Variants in DOCK1 observed in about 807,000 individuals in gnomAD.
The protein encoded by DOCK1 is dedicator of cytokinesis protein 1.
A neutral mutation model predicts 262.7 loss-of-function variants in DOCK1; 138 were observed. The observed-to-expected ratio is 0.53, with a 90% CI of 0.46 to 0.61. DOCK1 has a LOEUF of 0.61. Among genes scored for constraint, DOCK1 ranks in the 20% least tolerant of loss-of-function variants. The pLI is 0.00. For missense variants in DOCK1, 1,908 were observed against 2,370.7 expected, an observed-to-expected ratio of 0.80 and a Z score of 4.05; for synonymous variants, 866 against 867.4, an observed-to-expected ratio of 1.00 and a Z score of 0.03.
chr10:127,241,750 G>A (rs951287674), intron 27 of DOCK1, among the ~76,000 whole-genome samples: 1 of 152,048 alleles, frequency 6.6e-6, no homozygotes, highest in Admixed American at 6.6e-5. Flanking sequence ...TATACTGTTT[G>A]GTTTGACATC....
intron 28 of DOCK1, among the ~76,000 whole-genome samples, chr10:127,249,026 T>C (rs1293476596): frequency 6.6e-6 from 1 of 152,086 alleles, no homozygotes; most frequent in Non-Finnish European, 1.5e-5. Flanking sequence ...CACCCCCTGG[T>C]CCATGGAAAA....
intron 5 of DOCK1, 29 bp from the exon 6 acceptor site, chr10:126,990,426 T>C (rs749700775): frequency 6.3e-7 from 1 of 1,575,380 alleles, no homozygotes; most frequent in Non-Finnish European, 8.6e-7. Flanking sequence ...TATAACAAAA[T>C]CTTTCTGATT....
intron 33 of DOCK1, among the ~76,000 whole-genome samples, chr10:127,364,597 C>A (rs1003207281): frequency 6.6e-6 from 1 of 152,194 alleles, no homozygotes; most frequent in Non-Finnish European, 1.5e-5. Context: ...ATCTCTTGAC[C>A]TCATGATCCA....
intron 29 of DOCK1, among the ~76,000 whole-genome samples, chr10:127,327,963 C>A (rs2062812830): frequency 6.6e-6 from 1 of 152,008 alleles, no homozygotes; most frequent in African/African-American, 2.4e-5. Flanking sequence ...TAGCTCTTCT[C>A]CAAGGGCACA....
intron 37 of DOCK1, 41 bp downstream of exon 37, chr10:127,381,409 T>G: frequency 6.5e-7 from 1 of 1,536,026 alleles, no homozygotes; most frequent in Non-Finnish European, 8.9e-7. Flanking sequence ...TCTATTGTTA[T>G]AAATTCTAAC....
intron 38 of DOCK1, among the ~76,000 whole-genome samples, chr10:127,399,318 T>C (rs1386129843): frequency 6.6e-6 from 1 of 152,198 alleles, no homozygotes; most frequent in Non-Finnish European, 1.5e-5. Flanking sequence ...TTCACTGAGA[T>C]AATCTAAATC....
intron 27 of DOCK1, among the ~76,000 whole-genome samples, chr10:127,135,254 A>T (rs889231237): frequency 2.0e-5 from 3 of 152,166 alleles, no homozygotes; most frequent in Non-Finnish European, 4.4e-5. Flanking sequence ...TCCCTCCCCA[A>T]GCCAGGCCAG....
intron 6 of DOCK1, among the ~76,000 whole-genome samples, chr10:126,996,287 G>T (rs1198914208): frequency 1.3e-5 from 2 of 150,422 alleles, no homozygotes; most frequent in Non-Finnish European, 2.9e-5. Flanking sequence ...GGCTGAGGCA[G>T]GAGAATTGCT....
intron 28 of DOCK1, among the ~76,000 whole-genome samples, chr10:127,251,173 G>C (rs1342106601): frequency 6.6e-6 from 1 of 151,594 alleles, no homozygotes; most frequent in Non-Finnish European, 1.5e-5. Flanking sequence ...CTCTATGTTG[G>C]TCAGGCTGGT....
intron 27 of DOCK1, among the ~76,000 whole-genome samples, chr10:127,203,704 A>T (rs2057579596): frequency 6.6e-6 from 1 of 150,408 alleles, no homozygotes; most frequent in African/African-American, 2.5e-5. Flanking sequence ...CTTCGCTTTA[A>T]TTGCACTGCA....
At chr10:127,006,583 CAG>C (rs1475105785) in intron 10 of DOCK1, among the ~76,000 whole-genome samples, 1 of 152,198 alleles carries the variant, frequency 6.6e-6, no homozygotes, top group Non-Finnish European at 1.5e-5. Flanking sequence ...GAAGAGCAGT[CAG>C]GGGAGTCCCT....
intron 27 of DOCK1, among the ~76,000 whole-genome samples, chr10:127,236,325 C>G (rs1564924286): frequency 7.6e-6 from 1 of 132,442 alleles, no homozygotes; most frequent in Non-Finnish European, 1.6e-5. Flanking sequence ...TTCTCCCTCC[C>G]TCCCCCTCTC....
chr10:127,317,457 G>A lies in DOCK1; in HGVS notation c.3045-21549G>A, dbSNP rs901381316. On this transcript the variant is annotated intron_variant, in intron 29 of 51. Coordinates refer to ENST00000623213, the MANE Select transcript of DOCK1 (RefSeq NM_001290223.2). ...GTGATTTGCAGGTGTGCAACCTGGA[G>A]TCCAGCTGTCTTGCTCTTCATGCTG... 6.6e-5 allele frequency among the ~76,000 whole-genome samples: 10 copies of A among 152,310 alleles called. 2 individuals are homozygous for A. The highest frequency in any genetic ancestry group is 6.5e-4 in the Admixed American group (10 of 15,310).
chr10:127,054,785 A>G (rs535206304), intron 22 of DOCK1, among the ~76,000 whole-genome samples: 12 of 152,338 alleles, frequency 7.9e-5, no homozygotes, highest in African/African-American at 1.2e-4. Context: ...TTTGTGATCA[A>G]TATGACATTG....
At chr10:127,190,413 T>C (rs1295330577) in intron 27 of DOCK1, among the ~76,000 whole-genome samples, 2 of 152,182 alleles carry the variant, frequency 1.3e-5, no homozygotes, top group Admixed American at 1.3e-4. Flanking sequence ...CAGGATTCCC[T>C]GAGTTGGTAG....
rs180725274 is a variant in DOCK1, at chr10:127,424,483, T to A, written c.4777-1391T>A. On this transcript the variant is annotated intron_variant, in intron 46 of 51. Transcript: ENST00000623213. ...CTAAATCAGAAATGCTTTTAGTATC[T>A]AGGGTGGCTGTGCTTTCACCTTGCA... Among the ~76,000 whole-genome samples the A allele has an allele frequency of 2.0e-5, 3 of 152,306 alleles. No individual in the cohort carries two copies. The East Asian group carries it at 5.8e-4, about 29-fold the overall frequency.
At chr10:126,952,388 G>C (rs1226422303) in intron 1 of DOCK1, among the ~76,000 whole-genome samples, 5 of 151,630 alleles carry the variant, frequency 3.3e-5, no homozygotes, top group African/African-American at 4.8e-5. Context: ...TGGTAGTGTT[G>C]GTGATGTGGC....
intron 27 of DOCK1, among the ~76,000 whole-genome samples, chr10:127,233,421 T>A (rs1193113827): frequency 6.6e-6 from 1 of 152,190 alleles, no homozygotes; most frequent in Non-Finnish European, 1.5e-5. Context: ...TACATTGATA[T>A]CCCCTTGATT....
At chr10:127,371,870 AG>A (rs1290321586) in intron 33 of DOCK1, among the ~76,000 whole-genome samples, 1 of 152,196 alleles carries the variant, frequency 6.6e-6, no homozygotes, top group African/African-American at 2.4e-5. Flanking sequence ...TTTTCTGTAA[AG>A]GGCAGGATAG....
Sources: allele counts gnomAD v4.1 joint callset (sites outside exome capture counted in the v4.1 genomes callset), GRCh38; gene constraint gnomAD v4.1.1; transcripts MANE v1.5; gene names NCBI Gene and HGNC (gene_info 2026-07-23, HGNC 2026-07-21).